The following LAMC1 variants were observed in gnomAD, a reference collection of about 807,000 sequenced individuals.
LAMC1 encodes laminin subunit gamma 1.
Under a neutral mutation model 173.6 loss-of-function variants are expected in LAMC1, and 38 were observed. That is an observed-to-expected ratio of 0.22 (90% CI 0.17 to 0.29). The LOEUF (loss-of-function observed/expected upper bound fraction) is 0.29, where lower values mean the gene tolerates loss of function less well. Among genes scored for constraint, LAMC1 ranks in the 10% least tolerant of loss-of-function variants. LAMC1 has a pLI of 1.00. For synonymous variants in LAMC1, 746 were observed against 749.1 expected (o/e 1.00, Z 0.07); for missense variants, 1,824 against 2,051.8 (o/e 0.89, Z 2.14).
At chr1:183,060,501 C>T (rs1166288064) in intron 1 of LAMC1, among the ~76,000 whole-genome samples, 1 of 152,156 alleles carries the variant, frequency 6.6e-6, no homozygotes, top group Non-Finnish European at 1.5e-5. Context: ...TCTCTTGGAC[C>T]AGGCTCTCCT....
intron 1 of LAMC1, among the ~76,000 whole-genome samples, chr1:183,088,206 T>G (rs780435751): frequency 3.3e-5 from 5 of 152,234 alleles, no homozygotes; most frequent in Non-Finnish European, 5.9e-5. Flanking sequence ...TTGAAAGGCA[T>G]CATCATAAGC....
At chr1:183,036,215 C>G (rs1214618417) in intron 1 of LAMC1, among the ~76,000 whole-genome samples, 1 of 151,602 alleles carries the variant, frequency 6.6e-6, no homozygotes, top group Non-Finnish European at 1.5e-5. Context: ...TCTTCTGCCT[C>G]AGCCTCCCGA....
chr1:183,081,602 A>AAATC (rs1655279880), intron 1 of LAMC1, among the ~76,000 whole-genome samples: 2 of 131,880 alleles, frequency 1.5e-5, no homozygotes, highest in Non-Finnish European at 1.6e-5. Flanking sequence ...ATAAATAAAT[A>AAATC]AATCTTTAGA....
chr1:183,084,150 C>T (rs570522185), intron 1 of LAMC1, among the ~76,000 whole-genome samples: 4 of 151,976 alleles, frequency 2.6e-5, no homozygotes, highest in African/African-American at 9.7e-5. Flanking sequence ...GTCAGGAGAT[C>T]GAGACCAAGT....
intron 4 of LAMC1, among the ~76,000 whole-genome samples, chr1:183,113,275 C>T (rs1656215159): frequency 6.6e-6 from 1 of 152,062 alleles, no homozygotes; most frequent in Non-Finnish European, 1.5e-5. Flanking sequence ...TATGGTGACA[C>T]CACTGCACTC....
intron 1 of LAMC1, among the ~76,000 whole-genome samples, chr1:183,024,748 G>A (rs996093101): frequency 1.8e-4 from 27 of 152,232 alleles, no homozygotes; most frequent in Non-Finnish European, 3.5e-4. Flanking sequence ...GCTAATCCTG[G>A]TGCAGAATGA....
chr1:183,092,533 T>G (rs1228989157), intron 1 of LAMC1, among the ~76,000 whole-genome samples: 1 of 152,086 alleles, frequency 6.6e-6, no homozygotes, highest in Non-Finnish European at 1.5e-5. Flanking sequence ...CTGTGGGTGA[T>G]TCTAATAGCC....
At chr1:183,054,741 C>T (rs1483102448) in intron 1 of LAMC1, among the ~76,000 whole-genome samples, 1 of 152,124 alleles carries the variant, frequency 6.6e-6, no homozygotes, top group East Asian at 1.9e-4. Flanking sequence ...TTGGAGACTA[C>T]AAAACTCAAT....
At chr1:183,129,380 G>A (rs921602160) in intron 18 of LAMC1, among the ~76,000 whole-genome samples, 7 of 151,878 alleles carry the variant, frequency 4.6e-5, no homozygotes, top group African/African-American at 1.7e-4. Context: ...GAGCCACTGC[G>A]CCCAGCCAAA....
intron 26 of LAMC1, among the ~76,000 whole-genome samples, chr1:183,139,501 A>G (rs1334909517): frequency 6.6e-6 from 1 of 152,236 alleles, no homozygotes; most frequent in African/African-American, 2.4e-5. Flanking sequence ...TGGATGCTCA[A>G]TAAGGACAGC....
At chr1:183,105,419 A>G (rs1379160003) in intron 2 of LAMC1, among the ~76,000 whole-genome samples, 1 of 111,866 alleles carries the variant, frequency 8.9e-6, no homozygotes, top group Non-Finnish European at 2.0e-5. Context: ...GAACAGAGAA[A>G]GAACAGTGTA....
chr1:183,025,949 C>G (rs1361304281), intron 1 of LAMC1, among the ~76,000 whole-genome samples: 1 of 152,076 alleles, frequency 6.6e-6, no homozygotes, highest in African/African-American at 2.4e-5. Context: ...TGATTACTAC[C>G]CTGTTGCAAA....
chr1:183,115,095 G>T (rs1029509499), intron 5 of LAMC1, among the ~76,000 whole-genome samples: 2 of 152,164 alleles, frequency 1.3e-5, no homozygotes, highest in African/African-American at 4.8e-5. Context: ...GCATGTTTGC[G>T]TGTGTACAGA....
chr1:183,061,093 A>G (rs1321582081), intron 1 of LAMC1, among the ~76,000 whole-genome samples: 1 of 152,096 alleles, frequency 6.6e-6, no homozygotes, highest in East Asian at 1.9e-4. Context: ...GAGGGATAGG[A>G]CTAGGGTGAT....
At chr1:183,131,212 C>T in intron 19 of LAMC1, 87 bp from the exon 20 acceptor site, 1 of 860,754 alleles carries the variant, frequency 1.2e-6, no homozygotes, top group African/African-American at 1.7e-5. Flanking sequence ...TCTTTTTGCC[C>T]TCTAACAAAA....
At chr1:183,075,571 A>G (rs1407726066) in intron 1 of LAMC1, among the ~76,000 whole-genome samples, 1 of 152,186 alleles carries the variant, frequency 6.6e-6, no homozygotes, top group Admixed American at 6.6e-5. Flanking sequence ...TAATACACAT[A>G]TATGGTATAG....
rs1656477709 is a variant in LAMC1, at chr1:183,121,656, T to TA, written c.1991-66dup. On this transcript the variant is annotated intron_variant, in intron 11 of 27. Coordinates refer to ENST00000258341, the MANE Select transcript of LAMC1 (RefSeq NM_002293.4). Reference sequence around the variant, plus strand: ...TTGGGGTCTAGTTACTTTTTAGTGTTACTGACTTTACACAAGGTTTGGAAA... The same window carrying TA: ...TTGGGGTCTAGTTACTTTTTAGTGTTAACTGACTTTACACAAGGTTTGGAAA... The TA allele has an allele frequency of 2.1e-6, 3 of 1,396,888 alleles. No individual in the cohort carries two copies. In the South Asian group the frequency reaches 4.2e-5, roughly 19 times the overall value. 86.5% of individuals were successfully genotyped at this position (1,396,888 alleles called of 1,614,324 possible).
At chr1:183,093,727 G>T (rs2102061467) in intron 1 of LAMC1, among the ~76,000 whole-genome samples, 1 of 152,236 alleles carries the variant, frequency 6.6e-6, no homozygotes, top group East Asian at 1.9e-4. Flanking sequence ...ATCTGAAACT[G>T]AACTCCCAGT....
chr1:183,093,757 C>G (rs1483342278), intron 1 of LAMC1, among the ~76,000 whole-genome samples: 1 of 152,198 alleles, frequency 6.6e-6, no homozygotes, highest in African/African-American at 2.4e-5. Context: ...TCCATCCCCC[C>G]ATGGCTGCTT....
Sources: gnomAD v4.1 joint callset for allele counts (sites outside exome capture counted in the v4.1 genomes callset) on GRCh38, gnomAD v4.1.1 for gene constraint, MANE v1.5 for transcripts, NCBI Gene and HGNC (gene_info 2026-07-23, HGNC 2026-07-21) for gene names.